Variants in KDM4B observed in about 807,000 individuals in gnomAD.
The protein encoded by KDM4B is lysine-specific demethylase 4B.
A neutral mutation model predicts 125.2 loss-of-function variants in KDM4B; 32 were observed. That is an observed-to-expected ratio of 0.26 (90% CI 0.19 to 0.34). The LOEUF (loss-of-function observed/expected upper bound fraction) is 0.34, where lower values mean the gene tolerates loss of function less well. KDM4B is among the 10% of genes least tolerant of loss of function. The pLI is 1.00. For synonymous variants in KDM4B, 721 were observed against 677.9 expected (o/e 1.06, Z -0.99); for missense variants, 1,190 against 1,577.7 (o/e 0.75, Z 4.16).
chr19:4,990,295 C>T (rs949468531), intron 1 of KDM4B, among the ~76,000 whole-genome samples: 2 of 152,118 alleles, frequency 1.3e-5, no homozygotes, highest in Non-Finnish European at 2.9e-5. Flanking sequence ...GTCCCCGCCC[C>T]ACAAAAAGAG....
rs931719806 is a variant in KDM4B at position 5,077,646 on chromosome 19, G to C, written c.780+176G>C. 3.0e-4 allele frequency: 174 copies of C among 585,902 alleles called. 1 individual carries two copies. The African/African-American group carries it at 3.0e-3, about 10-fold the overall frequency. The allele number at this position is 585,902 out of a possible 1,614,324, so 36.3% of individuals were successfully genotyped here. A position where few individuals can be genotyped will look rare whatever the true frequency, so the allele number is the denominator to read the frequency against. ...AGCAGTTAGCCTCCAGCTCTTCCAC[G>C]GGGAAGCGAAGATGGCAGAGCTTGA... On this transcript the variant is annotated intron_variant, in intron 8 of 22. Transcript: ENST00000159111.
chr19:5,113,202 C>CCTCCCGCCCT (rs1425050166), intron 10 of KDM4B: 3 of 152,208 alleles, frequency 2.0e-5, no homozygotes, highest in Admixed American at 6.5e-5. Context: ...CCAGGAGCCC[C>CCTCCCGCCCT]CTCCCGCCCT....
chr19:5,057,078 G>T (rs943188889), intron 6 of KDM4B, among the ~76,000 whole-genome samples: 16 of 151,794 alleles, frequency 1.1e-4, no homozygotes, highest in Middle Eastern at 3.4e-3. Context: ...GCGCGCGCGC[G>T]TATGTTAGCA....
intron 9 of KDM4B, among the ~76,000 whole-genome samples, chr19:5,096,874 GTT>G (rs2038837745): frequency 6.6e-6 from 1 of 152,298 alleles, no homozygotes; most frequent in South Asian, 2.1e-4. Context: ...GTGTCCCTCC[GTT>G]TCTGGATTTG....
chr19:5,108,300 A>G (rs994021144), intron 9 of KDM4B, among the ~76,000 whole-genome samples: 4 of 152,188 alleles, frequency 2.6e-5, no homozygotes, highest in Non-Finnish European at 4.4e-5. Context: ...CTGCCACTCC[A>G]TGGCCAAATG....
At chr19:5,092,780 C>T (rs144356246) in intron 9 of KDM4B, among the ~76,000 whole-genome samples, 1 of 152,274 alleles carries the variant, frequency 6.6e-6, no homozygotes, top group Non-Finnish European at 1.5e-5. Context: ...AGGGCCTGGC[C>T]CTGAGTCAGA....
chr19:5,119,319 G>A (rs2039315502), intron 10 of KDM4B: 3 of 851,810 alleles, frequency 3.5e-6, no homozygotes, highest in Non-Finnish European at 5.5e-6. Flanking sequence ...CGTGGCACAC[G>A]CGGCTCCTGC....
intron 9 of KDM4B, among the ~76,000 whole-genome samples, chr19:5,094,953 C>T (rs960635928): frequency 8.6e-5 from 13 of 152,010 alleles, no homozygotes; most frequent in East Asian, 5.8e-4. Context: ...GCAGCTGATG[C>T]GTCCTGTGGA....
intron 1 of KDM4B, among the ~76,000 whole-genome samples, chr19:4,970,934 G>C (rs887673643): frequency 1.4e-4 from 22 of 152,100 alleles, no homozygotes; most frequent in African/African-American, 4.6e-4. Flanking sequence ...GCGACACCAG[G>C]ACGGGTCAGA....
chr19:5,028,327 G>A (rs115472405), intron 2 of KDM4B, among the ~76,000 whole-genome samples: 14 of 152,120 alleles, frequency 9.2e-5, no homozygotes, highest in Non-Finnish European at 1.9e-4. Context: ...TGTAGCCTGG[G>A]GTGTAACACA....
At position 5,090,171 on chromosome 19, in the gene KDM4B, G is replaced by A. The variant is rs542295321; in HGVS notation, c.918+7667G>A. Among the ~76,000 whole-genome samples, 16 of 152,242 alleles carry A rather than the reference G, an allele frequency of 1.1e-4. No homozygotes were observed. In the East Asian group the frequency reaches 1.2e-3, roughly 11 times the overall value. On this transcript the variant is annotated intron_variant, in intron 9 of 22. Coordinates refer to ENST00000159111, the MANE Select transcript of KDM4B (RefSeq NM_015015.3). ...GAGCGCCTGCCGTGTGCAGGGGAGG[G>A]GTCCTAGCCCCTGGGTCTGCCAGGG...
chr19:5,142,298 C>T lies in KDM4B; in HGVS notation c.2551-1669C>T, dbSNP rs1358208686. On this transcript the variant is annotated intron_variant, in intron 18 of 22. Transcript: ENST00000159111. The surrounding 1 kb of genome is among the most constrained non-coding windows in gnomAD (Gnocchi z 5.4). Reference sequence around the variant, plus strand: ...CCAGCACTGGATGTGGGTCTTCAAACTGCGGCTCCCAGGAAGGGAGGTGAC... The same window carrying T: ...CCAGCACTGGATGTGGGTCTTCAAATTGCGGCTCCCAGGAAGGGAGGTGAC... Among the ~76,000 whole-genome samples, 2 of 152,158 alleles carry T rather than the reference C, an allele frequency of 1.3e-5. No individual in the cohort carries two copies. The highest frequency in any genetic ancestry group is 6.5e-5 in the Admixed American group (1 of 15,286).
At chr19:5,101,797 TG>T (rs1275855609) in intron 9 of KDM4B, among the ~76,000 whole-genome samples, 1 of 152,102 alleles carries the variant, frequency 6.6e-6, no homozygotes, top group African/African-American at 2.4e-5. Flanking sequence ...TGGGCTGTTA[TG>T]GGGGAGCCCA....
intron 6 of KDM4B, among the ~76,000 whole-genome samples, 193 bp downstream of exon 6, chr19:5,047,862 C>T (rs1372970923): frequency 6.6e-6 from 1 of 152,172 alleles, no homozygotes; most frequent in African/African-American, 2.4e-5. Context: ...ATGTGCACCC[C>T]CAGAGCCGAA....
At chr19:5,014,315 T>C (rs181748913) in intron 1 of KDM4B, among the ~76,000 whole-genome samples, 18 of 152,236 alleles carry the variant, frequency 1.2e-4, no homozygotes, top group African/African-American at 3.6e-4. Flanking sequence ...CTGGCTCTGT[T>C]GCCCAGGCTG....
chr19:5,054,890 C>A (rs895275308), intron 6 of KDM4B, among the ~76,000 whole-genome samples: 1 of 152,258 alleles, frequency 6.6e-6, no homozygotes, highest in Non-Finnish European at 1.5e-5. Flanking sequence ...GTCGGCCTGA[C>A]GCCATCAGCC....
chr19:5,059,403 G>A (rs1183338969), intron 6 of KDM4B, among the ~76,000 whole-genome samples: 1 of 152,212 alleles, frequency 6.6e-6, no homozygotes, highest in Non-Finnish European at 1.5e-5. Context: ...CCCGCCGAGG[G>A]CTCGGGCCGC....
intron 9 of KDM4B, among the ~76,000 whole-genome samples, chr19:5,086,886 C>G (rs930498087): frequency 4.6e-5 from 7 of 152,254 alleles, no homozygotes; most frequent in Non-Finnish European, 8.8e-5. Flanking sequence ...AGGTCTGCCC[C>G]CACAGGGCAG....
chr19:5,146,724 C>T (rs145683756), intron 21 of KDM4B, among the ~76,000 whole-genome samples: 1,957 of 145,908 alleles, frequency 0.013, 42 homozygotes, highest in African/African-American at 0.047. Context: ...GCTAAGAGTT[C>T]GAGACCAGCC....
Sources: allele counts gnomAD v4.1 joint callset (sites outside exome capture counted in the v4.1 genomes callset), GRCh38; gene constraint gnomAD v4.1.1; non-coding constraint Gnocchi (gnomAD v3.1); transcripts MANE v1.5; gene names NCBI Gene and HGNC (gene_info 2026-07-23, HGNC 2026-07-21).